PDE1A: variants seen among roughly 807,000 people sequenced by gnomAD.
PDE1A encodes the protein phosphodiesterase 1A.
A neutral mutation model predicts 61.7 loss-of-function variants in PDE1A; 35 were observed. That is an observed-to-expected ratio of 0.57 (90% CI 0.43 to 0.75). The LOEUF (loss-of-function observed/expected upper bound fraction) is 0.75. Ranked by LOEUF, PDE1A falls within the 30% of genes least tolerant of loss-of-function variation. The pLI, the probability that PDE1A is intolerant of heterozygous loss-of-function variation, is 0.00. For synonymous variants in PDE1A, 232 were observed against 213.2 expected, an observed-to-expected ratio of 1.09 and a Z score of -0.77; for missense variants, 597 against 630.6, an observed-to-expected ratio of 0.95 and a Z score of 0.57.
chr2:182,614,148 G>A, the PDE1A span, among the ~76,000 whole-genome samples: 15 of 152,332 alleles, frequency 9.8e-5, no homozygotes, highest in African/African-American at 3.6e-4. Flanking sequence ...TGGCTACCAA[G>A]TTGATAGAAC....
chr2:182,561,644 G>T, the PDE1A span, among the ~76,000 whole-genome samples: 356 of 152,214 alleles, frequency 2.3e-3, 13 homozygotes, highest in South Asian at 0.067. Context: ...AATTACCTTG[G>T]GCAGTATGGC....
intron 1 of PDE1A, among the ~76,000 whole-genome samples, chr2:182,341,168 A>G (rs1698159877): frequency 1.3e-5 from 2 of 152,206 alleles, no homozygotes; most frequent in South Asian, 4.1e-4. Context: ...ACAACGTTAT[A>G]GAGAGGAACA....
At chr2:182,503,381 C>A (rs1462438611) in intron 2 of PDE1A, among the ~76,000 whole-genome samples, 1 of 152,192 alleles carries the variant, frequency 6.6e-6, no homozygotes. Context: ...CACCCTGATG[C>A]TCCTAAGGTG....
chr2:182,536,241 G>A, the PDE1A span, among the ~76,000 whole-genome samples: 1 of 152,168 alleles, frequency 6.6e-6, no homozygotes, highest in Admixed American at 6.6e-5. Context: ...CAGGAAGCAT[G>A]TACTTTCTTT....
intron 2 of PDE1A, among the ~76,000 whole-genome samples, chr2:182,504,199 C>A (rs1191913354): frequency 6.6e-6 from 1 of 152,162 alleles, no homozygotes; most frequent in Non-Finnish European, 1.5e-5. Flanking sequence ...ACAGCCTTTT[C>A]TTTTCATTCT....
intron 1 of PDE1A, among the ~76,000 whole-genome samples, chr2:182,318,547 C>T (rs566389027): frequency 5.3e-5 from 8 of 152,170 alleles, no homozygotes; most frequent in African/African-American, 1.7e-4. Flanking sequence ...GCTGTTTTGC[C>T]GAAAATTAAA....
chr2:182,520,107 C>G (rs974641576), intron 2 of PDE1A, among the ~76,000 whole-genome samples: 2 of 151,822 alleles, frequency 1.3e-5, no homozygotes, highest in African/African-American at 4.8e-5. Flanking sequence ...CTGTTTGAAT[C>G]AATATTGCAT....
chr2:182,654,421 C>A, the PDE1A span, among the ~76,000 whole-genome samples: 1 of 152,140 alleles, frequency 6.6e-6, no homozygotes, highest in African/African-American at 2.4e-5. Flanking sequence ...GATTCTGTTT[C>A]TTGGTGTTGG....
chr2:182,668,067 G>C, the PDE1A span, among the ~76,000 whole-genome samples: 1 of 152,196 alleles, frequency 6.6e-6, no homozygotes, highest in South Asian at 2.1e-4. Flanking sequence ...AATGGGTGGA[G>C]AAGGAATCCA....
chr2:182,411,485 G>C (rs1702612645), intron 1 of PDE1A, among the ~76,000 whole-genome samples: 2 of 152,116 alleles, frequency 1.3e-5, no homozygotes. Context: ...GGTCTTTGAT[G>C]ACAATTGGGG....
intron 1 of PDE1A, among the ~76,000 whole-genome samples, chr2:182,307,211 T>C (rs1041369827): frequency 6.6e-6 from 1 of 152,168 alleles, no homozygotes; most frequent in Non-Finnish European, 1.5e-5. Flanking sequence ...TCAACATTAC[T>C]GCTATGGTTT....
chr2:182,460,438 T>C (rs927364686), intron 2 of PDE1A, among the ~76,000 whole-genome samples: 2 of 152,162 alleles, frequency 1.3e-5, no homozygotes, highest in African/African-American at 4.8e-5. Context: ...GGGGTGTCAC[T>C]ATGTTTCCCA....
chr2:182,382,824 G>C (rs1440628000), intron 1 of PDE1A, among the ~76,000 whole-genome samples: 2 of 151,934 alleles, frequency 1.3e-5, no homozygotes, highest in Non-Finnish European at 1.5e-5. Context: ...GGCTGTACTA[G>C]AAGATTTAAA....
the PDE1A span, among the ~76,000 whole-genome samples, chr2:182,576,198 C>G: frequency 6.6e-6 from 1 of 152,036 alleles, no homozygotes; most frequent in Non-Finnish European, 1.5e-5. Flanking sequence ...AAACTCTGCA[C>G]CCATGAATCC....
At chr2:182,379,274 A>G (rs574253831) in intron 1 of PDE1A, among the ~76,000 whole-genome samples, 1 of 152,352 alleles carries the variant, frequency 6.6e-6, no homozygotes, top group East Asian at 1.9e-4. Flanking sequence ...AGCAATCACA[A>G]AAGTCCTGCA....
the PDE1A span, among the ~76,000 whole-genome samples, chr2:182,658,064 A>AC: frequency 1.9e-4 from 20 of 106,512 alleles, no homozygotes; most frequent in East Asian, 5.1e-4. Flanking sequence ...AAAAAAAAAA[A>AC]AAAAAAAACA....
At chr2:182,179,946 A>G (rs1418481213) in intron 13 of PDE1A, among the ~76,000 whole-genome samples, 3 of 152,238 alleles carry the variant, frequency 2.0e-5, no homozygotes, top group African/African-American at 7.2e-5. Context: ...CTTAAGGGTT[A>G]ATATGATGAT....
intron 1 of PDE1A, among the ~76,000 whole-genome samples, chr2:182,286,045 T>C (rs564277318): frequency 6.6e-6 from 1 of 152,158 alleles, no homozygotes; most frequent in Non-Finnish European, 1.5e-5. Flanking sequence ...GAAAATTAAA[T>C]GAAGTAATAT....
chr2:182,355,259 A>C (rs1227108745), intron 1 of PDE1A, among the ~76,000 whole-genome samples: 1 of 152,022 alleles, frequency 6.6e-6, no homozygotes, highest in Non-Finnish European at 1.5e-5. Context: ...AAGACTTAGC[A>C]ACATATCCCT....
Sources: gnomAD v4.1 joint callset for allele counts (sites outside exome capture counted in the v4.1 genomes callset) on GRCh38, gnomAD v4.1.1 for gene constraint, MANE v1.5 for transcripts, NCBI Gene and HGNC (gene_info 2026-07-23, HGNC 2026-07-21) for gene names.